The following HACE1 variants were observed in gnomAD, a reference collection of about 807,000 sequenced individuals.
The protein encoded by HACE1 is HECT domain and ankyrin repeat containing E3 ubiquitin protein ligase 1.
A neutral mutation model predicts 118.4 loss-of-function variants in HACE1; 73 were observed. The ratio of observed to expected loss-of-function variants is 0.62; its 90% CI spans 0.51 to 0.75. The LOEUF (loss-of-function observed/expected upper bound fraction) is 0.75. Ranked by LOEUF, HACE1 falls within the 30% of genes least tolerant of loss-of-function variation. HACE1 has a pLI of 0.00. For missense variants in HACE1, 749 were observed against 1,102.2 expected (o/e 0.68, Z 4.54); for synonymous variants, 368 against 374.8 (o/e 0.98, Z 0.21).
intron 11 of HACE1, chr6:104,785,720 A>C (rs1782313832): frequency 1.2e-5 from 2 of 162,660 alleles, no homozygotes; most frequent in African/African-American, 4.8e-5. Context: ...TAAACAAATA[A>C]GATTTTTTCA....
chr6:104,750,419 A>G lies in HACE1; in HGVS notation c.2265T>C (p.Pro755=), dbSNP rs1415014400. The G allele has an allele frequency of 6.2e-7, 1 of 1,613,114 alleles. No homozygotes were observed. Among genetic ancestry groups the G allele is most frequent in the African/African-American group, 1.3e-5 (1 of 74,912 alleles). ...AGCCCTGTAAAAAAGCATTGATCTG[A>G]GGCTGAATGGCTCTTGTCATTCGAA... is the stretch of plus-strand genomic sequence containing the variant. ...TELRMTRAIQ[P]QINAFLQGFH... is the part of the protein sequence containing the mutation. The change falls in exon 20 of 24, where the codon CCT becomes CCC. Residue 755 remains proline, a synonymous_variant. Coordinates refer to ENST00000262903, the MANE Select transcript of HACE1 (RefSeq NM_020771.4).
chr6:104,729,484 A>AC lies in HACE1; in HGVS notation c.*177dup. The AC allele has an allele frequency of 4.9e-6, 3 of 616,482 alleles. No individual in the cohort carries two copies. The highest frequency in any genetic ancestry group is 8.7e-6 in the Non-Finnish European group (3 of 345,740). 38.2% of individuals were successfully genotyped at this position (616,482 alleles called of 1,614,324 possible). A position where few individuals can be genotyped will look rare whatever the true frequency, so the allele number is the denominator to read the frequency against. On this transcript the variant is annotated 3_prime_UTR_variant, in exon 24 of 24. Transcript: ENST00000262903. The stretch of plus-strand genomic sequence containing the variant: ...TTTATATTTTCTAATTGTATCACAA[A>AC]CAGAGAAAACATAAAAGGGAAAAGA...
intron 19 of HACE1, among the ~76,000 whole-genome samples, chr6:104,761,884 C>T (rs1162275960): frequency 6.6e-6 from 1 of 152,108 alleles, no homozygotes; most frequent in Non-Finnish European, 1.5e-5. Context: ...AAAAAATGGG[C>T]AAAGGATATG....
chr6:104,796,082 A>G (rs1227727769), intron 9 of HACE1, among the ~76,000 whole-genome samples: 1 of 152,074 alleles, frequency 6.6e-6, no homozygotes, highest in Non-Finnish European at 1.5e-5. Flanking sequence ...TCCTCTTGCC[A>G]TGGGAATATT....
intron 7 of HACE1, 69 bp downstream of exon 7, chr6:104,811,242 T>TACA (rs1177876499): frequency 5.3e-6 from 1 of 189,562 alleles, no homozygotes; most frequent in African/African-American, 3.7e-5. Flanking sequence ...ATTTCTTTAT[T>TACA]TATACATATA....
intron 1 of HACE1, among the ~76,000 whole-genome samples, chr6:104,856,793 C>T (rs1486933196): frequency 6.6e-6 from 1 of 152,134 alleles, no homozygotes; most frequent in Non-Finnish European, 1.5e-5. Context: ...TACTCTTCAC[C>T]TCTTTTTCTC....
intron 4 of HACE1, among the ~76,000 whole-genome samples, chr6:104,844,393 G>T (rs1451819299): frequency 6.7e-5 from 10 of 149,080 alleles, no homozygotes; most frequent in African/African-American, 2.5e-4. Flanking sequence ...GCCCAGGCTG[G>T]AGTGCAGTGA....
chr6:104,857,938 CAG>C (rs1167037683), intron 1 of HACE1, among the ~76,000 whole-genome samples: 3 of 126,232 alleles, frequency 2.4e-5, no homozygotes, highest in Admixed American at 9.7e-5. Flanking sequence ...GCCTGGGCGA[CAG>C]AGTGAGACTC....
chr6:104,795,460 A>T, intron 10 of HACE1, 119 bp downstream of exon 10: 2 of 730,044 alleles, frequency 2.7e-6, no homozygotes. Context: ...ACCAGAAGTC[A>T]GCAAATTTTT....
At position 104,834,147 on chromosome 6, in the gene HACE1, C is replaced by CA. The variant is rs779139811; in HGVS notation, c.403-975dup. Among the ~76,000 whole-genome samples the CA allele has an allele frequency of 1.8e-3, 252 of 139,276 alleles. 1 individual carries two copies. The highest frequency in any genetic ancestry group is 7.2e-3 in the Middle Eastern group (2 of 276). The allele number at this position is 139,276 out of a possible 152,430, so 91.4% of individuals were successfully genotyped here. ...GTGTGACAGAATGACAACCTATTTC[C>CA]AAAAAAAAAAAAATCGTTTTAAAAT... is the stretch of plus-strand genomic sequence containing the variant. On this transcript the variant is annotated intron_variant, in intron 5 of 23. Transcript: ENST00000262903.
intron 22 of HACE1, among the ~76,000 whole-genome samples, chr6:104,732,998 G>C (rs1775377705): frequency 6.6e-6 from 1 of 152,058 alleles, no homozygotes; most frequent in African/African-American, 2.4e-5. Flanking sequence ...AGAAGACCTG[G>C]CTATATCTCC....
intron 11 of HACE1, chr6:104,786,422 TGAG>T (rs1782401585): frequency 2.3e-5 from 3 of 130,944 alleles, no homozygotes; most frequent in South Asian, 2.4e-4. Context: ...AAAAAAAAGA[TGAG>T]GAGAGAATAA....
chr6:104,730,092 T>C (rs1182668478), intron 23 of HACE1, among the ~76,000 whole-genome samples: 1 of 152,126 alleles, frequency 6.6e-6, no homozygotes, highest in Non-Finnish European at 1.5e-5. Context: ...TATAGTCAAT[T>C]AAATTGTAGG....
In HACE1 at chr6:104,729,749, C is replaced by T; in HGVS notation, c.2643G>A (p.Lys881=). ...TTTCTTTACTTGGGTATTCAGGTAA[C>T]TTGAGCATGTTGATGCTTTAAAAGA... ...PTSSTCINML[K]LPEYPSKEIL... is the part of the protein sequence containing the mutation. The change falls in exon 24 of 24, where the codon AAG becomes AAA. Residue 881 remains lysine (K), a synonymous_variant. Transcript: ENST00000262903. The T allele has an allele frequency of 1.3e-6, 2 of 1,517,962 alleles. No individual in the cohort carries two copies. The highest frequency in any genetic ancestry group is 1.7e-4 in the Middle Eastern group (1 of 5,898). 94.0% of individuals were successfully genotyped at this position (1,517,962 alleles called of 1,614,324 possible). A position where few individuals can be genotyped will look rare whatever the true frequency, so the allele number is the denominator to read the frequency against.
chr6:104,795,727 C>CA, intron 9 of HACE1, 42 bp from the exon 10 acceptor site: 28 of 1,179,896 alleles, frequency 2.4e-5, no homozygotes, highest in Non-Finnish European at 3.4e-5. Flanking sequence ...ACATAGTAAT[C>CA]CATTAAATCT....
At chr6:104,755,577 A>G (rs2114601156) in intron 19 of HACE1, among the ~76,000 whole-genome samples, 1 of 152,354 alleles carries the variant, frequency 6.6e-6, no homozygotes, top group South Asian at 2.1e-4. Flanking sequence ...CATAACAAAC[A>G]GTCTCTCAGA....
At chr6:104,831,995 GAAGGA>G (rs1774024189) in intron 6 of HACE1, among the ~76,000 whole-genome samples, 3 of 109,270 alleles carry the variant, frequency 2.7e-5, no homozygotes, top group Admixed American at 9.5e-5. Flanking sequence ...AGGAAGGAAG[GAAGGA>G]AGGAAGGAAG....
At chr6:104,756,697 C>G (rs891882752) in intron 19 of HACE1, among the ~76,000 whole-genome samples, 1 of 152,044 alleles carries the variant, frequency 6.6e-6, no homozygotes, top group Non-Finnish European at 1.5e-5. Context: ...ACTGGTTGGA[C>G]AGTGGGTGCA....
At chr6:104,760,186 T>G (rs1031328563) in intron 19 of HACE1, among the ~76,000 whole-genome samples, 1 of 152,210 alleles carries the variant, frequency 6.6e-6, no homozygotes, top group Non-Finnish European at 1.5e-5. Flanking sequence ...GAATCCTCTC[T>G]AACTTATTTT....
Sources: allele counts gnomAD v4.1 joint callset (sites outside exome capture counted in the v4.1 genomes callset), GRCh38; gene constraint gnomAD v4.1.1; transcripts MANE v1.5; gene names NCBI Gene and HGNC (gene_info 2026-07-23, HGNC 2026-07-21).